ATP13A2: variants seen among roughly 807,000 people sequenced by gnomAD.
ATP13A2 encodes polyamine-transporting ATPase 13A2.
Under a neutral mutation model 138.3 loss-of-function variants are expected in ATP13A2, and 83 were observed. That is an observed-to-expected ratio of 0.60 (90% confidence interval 0.50 to 0.72). The LOEUF (loss-of-function observed/expected upper bound fraction) is 0.72. Among genes scored for constraint, ATP13A2 ranks in the 30% least tolerant of loss-of-function variants. The pLI is 0.00. For missense variants in ATP13A2, 1,402 were observed against 1,606.4 expected (o/e 0.87, Z 2.17); for synonymous variants, 663 against 699.0 (o/e 0.95, Z 0.81).
intron 1 of ATP13A2, among the ~76,000 whole-genome samples, chr1:17,006,930 G>A (rs143775655): frequency 9.2e-5 from 14 of 151,870 alleles, no homozygotes; most frequent in Middle Eastern, 3.4e-3. Flanking sequence ...TTGCTCTGTC[G>A]CCCAGTCTGG....
rs1377555231 is a variant in ATP13A2, at chr1:16,988,358, C to T, written c.2726G>A (p.Ser909Asn). Residue 909 changes from serine (S) to asparagine (N), a missense_variant, in exon 24 of 29, where the codon AGC becomes AAC. Transcript: ENST00000326735. The part of the protein sequence containing the change: ...EASVVSPFTS[S>N]MASIECVPMV... ...GGGCACGCACTCAATACTGGCCATGCTCGAGGTGAAGGGTGAGACCACTGA... is the reference window on the plus strand; with the variant it reads ...GGGCACGCACTCAATACTGGCCATGTTCGAGGTGAAGGGTGAGACCACTGA... 6.2e-7 allele frequency: 1 copy of T among 1,614,186 alleles called. No homozygotes were observed. Among genetic ancestry groups the T allele is most frequent in the African/African-American group, 1.3e-5 (1 of 75,068 alleles).
chr1:17,006,466 G>C (rs1351513953), intron 1 of ATP13A2, among the ~76,000 whole-genome samples: 1 of 152,000 alleles, frequency 6.6e-6, no homozygotes. Context: ...GGCCAGGCTG[G>C]TCTCGAACTC....
At position 17,001,715 on chromosome 1, in the gene ATP13A2, G is replaced by A. The variant is rs117354376; in HGVS notation, c.705+319C>T. ...TGTTGGGAGCATGAAAGTGGAGGAC[G>A]CACAGAGAGGACCCAGGCTCTAGGG... On this transcript the variant is annotated intron_variant, in intron 8 of 28. Transcript: ENST00000326735. Among the ~76,000 whole-genome samples, 705 of 152,318 alleles carry A rather than the reference G, an allele frequency of 4.6e-3. 17 individuals carry two copies. The East Asian group carries it at 0.065, about 14-fold the overall frequency.
intron 11 of ATP13A2, among the ~76,000 whole-genome samples, chr1:16,997,429 C>CGGGGGGA (rs2077179332): frequency 1.2e-5 from 1 of 86,092 alleles, no homozygotes; most frequent in African/African-American, 5.4e-5. Context: ...GGGGGTGGGT[C>CGGGGGGA]AGACAGAGCA....
chr1:16,996,889 A>G, intron 12 of ATP13A2, 131 bp downstream of exon 12: 9 of 1,191,592 alleles, frequency 7.6e-6, no homozygotes, highest in Non-Finnish European at 1.1e-5. Context: ...AACTGGCCCG[A>G]GGTCCCACAG....
rs542633268 is a variant in ATP13A2 at position 17,011,357 on chromosome 1, A to G, written c.10+372T>C. On this transcript the variant is annotated intron_variant, in intron 1 of 28. Transcript: ENST00000326735. The surrounding 1 kb of genome is among the most constrained non-coding windows in gnomAD (Gnocchi z 7.3). Reference sequence around the variant, plus strand: ...GCCCGAGGATGCAGCCGTCTCCCCCACCTGGACATCCGTCACTCGGGGTGG... The same window carrying G: ...GCCCGAGGATGCAGCCGTCTCCCCCGCCTGGACATCCGTCACTCGGGGTGG... Among the ~76,000 whole-genome samples the G allele has an allele frequency of 4.9e-4, 74 of 152,052 alleles. No individual in the cohort carries two copies. The highest frequency in any genetic ancestry group is 2.3e-3 in the Admixed American group (35 of 15,292).
rs1466604951 is a variant in ATP13A2, at chr1:16,993,717, G to A, written c.1661C>T (p.Ala554Val). The A allele has an allele frequency of 6.3e-7, 1 of 1,593,638 alleles. No individual in the cohort carries two copies. The change falls in exon 16 of 29, where the codon GCA (alanine) becomes GTA (valine). Residue 554 changes from alanine (A) to valine (V), a missense_variant. By Grantham distance (64) the Ala-to-Val change is moderately conservative. Transcript: ENST00000326735. ...GCTGAGGGCATGGCAGGTGGCCAGT[G>A]CTCGGAGCAGGGGCCCCACAGGCAG... The part of the protein sequence containing the change: ...RRLPVGPLLR[A>V]LATCHALSRL...
At chr1:17,010,267 G>A (rs984481075) in intron 1 of ATP13A2, among the ~76,000 whole-genome samples, 2 of 152,126 alleles carry the variant, frequency 1.3e-5, no homozygotes, top group Non-Finnish European at 2.9e-5. Context: ...TAGTAGAGAC[G>A]GGGTTTCCCC....
intron 1 of ATP13A2, among the ~76,000 whole-genome samples, chr1:17,008,838 C>T (rs2077666740): frequency 6.6e-6 from 1 of 152,012 alleles, no homozygotes; most frequent in African/African-American, 2.4e-5. Flanking sequence ...GTGGCAGGCG[C>T]CTGTAGTCCC....
In ATP13A2 at chr1:16,995,709, G is replaced by C. The variant is rs2077094287; in HGVS notation, c.1542+267C>G. ...GATGTATCTGCCTCAGCCTCCCAAAGTGCTGGGATTACAGACGTGAGCCAC... is the reference window on the plus strand; with the variant it reads ...GATGTATCTGCCTCAGCCTCCCAAACTGCTGGGATTACAGACGTGAGCCAC... On this transcript the variant is annotated intron_variant, in intron 15 of 28. Transcript: ENST00000326735. This position sits in a 1 kb window ranked among gnomAD's most constrained non-coding sequence, Gnocchi z 4.1. The C allele has an allele frequency of 5.6e-6, 3 of 537,922 alleles. No individual in the cohort carries two copies. The highest frequency in any genetic ancestry group is 6.9e-6 in the Non-Finnish European group (2 of 290,458). 33.3% of individuals were successfully genotyped at this position (537,922 alleles called of 1,614,324 possible). A position where few individuals can be genotyped will look rare whatever the true frequency, so the allele number is the denominator to read the frequency against.
At chr1:17,010,914 G>A (rs895969259) in intron 1 of ATP13A2, among the ~76,000 whole-genome samples, 2 of 152,164 alleles carry the variant, frequency 1.3e-5, no homozygotes, top group African/African-American at 4.8e-5. Flanking sequence ...CCTGTCTTCT[G>A]CCAGGCTGAG....
chr1:16,992,902 C>A (rs989829674), intron 16 of ATP13A2, among the ~76,000 whole-genome samples: 1 of 152,188 alleles, frequency 6.6e-6, no homozygotes, highest in African/African-American at 2.4e-5. Flanking sequence ...CAGCCTGAGG[C>A]CTTGCCATTA....
rs1251315572 is a variant in ATP13A2 at position 16,992,569 on chromosome 1, C to T, written c.1762G>A (p.Glu588Lys). 7 of 1,614,228 alleles carry T rather than the reference C, an allele frequency of 4.3e-6. No homozygotes were observed. Among genetic ancestry groups the T allele is most frequent in the East Asian group, 2.2e-5 (1 of 44,884 alleles). Residue 588 changes from glutamate to lysine, a missense_variant, in exon 17 of 29, where the codon GAG (glutamate) becomes AAG (lysine). Physicochemically the swap from Glu to Lys is moderately conservative, Grantham distance 56. Coordinates refer to ENST00000326735, the MANE Select transcript of ATP13A2 (RefSeq NM_022089.4). ...CCAAATGCTGAGTCTGCAGCCGGCT[C>T]TTCCTCCAGGACCTGGCAGGCAGGC... Reference protein sequence around the residue: ...VESTGWVLEEEPAADSAFGTQ... With the variant: ...VESTGWVLEEKPAADSAFGTQ...
chr1:17,002,005 G>C (rs1379444501), intron 8 of ATP13A2, 29 bp downstream of exon 8: 1 of 1,597,228 alleles, frequency 6.3e-7, no homozygotes. Context: ...GCCAGGCAGG[G>C]CTGGGGCAAG....
Position 17,004,388 on chromosome 1 carries a change from G to A in ATP13A2, c.501C>T (p.Leu167=). 6.2e-7 allele frequency: 1 copy of A among 1,614,146 alleles called. No homozygotes were observed. Among genetic ancestry groups the A allele is most frequent in the Non-Finnish European group, 8.5e-7 (1 of 1,180,030 alleles). The change falls in exon 6 of 29, where the codon CTC becomes CTT. Residue 167 remains leucine, a synonymous_variant. Transcript: ENST00000326735. This position sits in a 1 kb window ranked among gnomAD's most constrained non-coding sequence, Gnocchi z 4.1. ...TCCAGATATAGCGCTGGCCCTGGAA[G>A]AGGTAATACCGCAGCACCCGCTTCT... The part of the protein sequence containing the change: ...VGQKRVLRYY[L]FQGQRYIWIE...
rs1392323584 is a variant in ATP13A2 at position 17,011,733 on chromosome 1, G to A, written c.6C>T (p.Ser2=). 2.0e-5 allele frequency: 29 copies of A among 1,469,870 alleles called. No individual in the cohort carries two copies. The highest frequency in any genetic ancestry group is 2.5e-5 in the Non-Finnish European group (28 of 1,116,300). The allele number at this position is 1,469,870 out of a possible 1,614,324, so 91.1% of individuals were successfully genotyped here. ...CGACCCGGACTCCGCACTCACCTGC[G>A]CTCATGCCGGCTCCTCGCGCTCATC... The part of the protein sequence containing the change: M[S]ADSSPLVGST... The change falls in exon 1 of 29, where the codon AGC becomes AGT. Residue 2 remains serine (S), a synonymous_variant. Coordinates refer to ENST00000326735, the MANE Select transcript of ATP13A2 (RefSeq NM_022089.4). The surrounding 1 kb of genome is among the most constrained non-coding windows in gnomAD (Gnocchi z 7.3).
chr1:17,008,495 G>T (rs927976944), intron 1 of ATP13A2, among the ~76,000 whole-genome samples: 3 of 152,168 alleles, frequency 2.0e-5, no homozygotes, highest in African/African-American at 7.2e-5. Context: ...TCCTGGGGGG[G>T]TTGCGTGGAC....
chr1:16,993,956 C>T lies in ATP13A2; in HGVS notation c.1543-121G>A, dbSNP rs977197673. 8.4e-6 allele frequency: 7 copies of T among 829,772 alleles called. No individual in the cohort carries two copies. In the South Asian group the frequency reaches 1.1e-4, roughly 13 times the overall value. 51.4% of individuals were successfully genotyped at this position (829,772 alleles called of 1,614,324 possible). On this transcript the variant is annotated intron_variant, in intron 15 of 28. Coordinates refer to ENST00000326735, the MANE Select transcript of ATP13A2 (RefSeq NM_022089.4). ...GGAACCCCAGGAACTCGAGCTGGAG[C>T]CAAAAGATGACCTTTCTTGACTGCT...
At chr1:16,988,003 C>T (rs1178914277) in intron 25 of ATP13A2, 135 bp downstream of exon 25, 1 of 862,170 alleles carries the variant, frequency 1.2e-6, no homozygotes, top group Non-Finnish European at 1.9e-6. Flanking sequence ...TCTCCAACCA[C>T]ACAGCCGGAG....
Sources: gnomAD v4.1 joint callset for allele counts (sites outside exome capture counted in the v4.1 genomes callset) on GRCh38, gnomAD v4.1.1 for gene constraint, Gnocchi (gnomAD v3.1) non-coding constraint, MANE v1.5 for transcripts, NCBI Gene and HGNC (gene_info 2026-07-23, HGNC 2026-07-21) for gene names.